TMEM51: variants seen among roughly 807,000 people sequenced by gnomAD.
The protein encoded by TMEM51 is chromosome 1 open reading frame 72.
In TMEM51, 8 loss-of-function variants were observed where a neutral mutation model predicts 13.6. That is an observed-to-expected ratio of 0.59 (90% CI 0.35 to 1.07). The LOEUF is 1.07. Among genes scored for constraint, TMEM51 ranks in the 50% least tolerant of loss-of-function variants. The pLI, the probability that TMEM51 is intolerant of heterozygous loss-of-function variation, is 0.02. For missense variants in TMEM51, 279 were observed against 330.7 expected (o/e 0.84, Z 1.21); for synonymous variants, 147 against 144.4 (o/e 1.02, Z -0.13).
intron 2 of TMEM51, among the ~76,000 whole-genome samples, chr1:15,214,366 A>T (rs1644390480): frequency 1.3e-5 from 2 of 152,178 alleles, no homozygotes; most frequent in African/African-American, 2.4e-5. Flanking sequence ...GAGCCAGGCT[A>T]AGGCCACCAT....
At chr1:15,205,142 G>A (rs1644226875) in intron 1 of TMEM51, among the ~76,000 whole-genome samples, 1 of 152,192 alleles carries the variant, frequency 6.6e-6, no homozygotes, top group Admixed American at 6.5e-5. Context: ...AAGACACTAT[G>A]TCAAGTGCCT....
chr1:15,154,108 G>A (rs1339078838), intron 1 of TMEM51, among the ~76,000 whole-genome samples, 154 bp downstream of exon 1: 2 of 152,040 alleles, frequency 1.3e-5, no homozygotes, highest in Non-Finnish European at 2.9e-5. Context: ...CCACCGGGAG[G>A]ACTCCGCACC....
At chr1:15,217,026 G>T (rs1436453081) in intron 3 of TMEM51, among the ~76,000 whole-genome samples, 1 of 152,174 alleles carries the variant, frequency 6.6e-6, no homozygotes, top group Admixed American at 6.5e-5. Context: ...TCTTTATAGT[G>T]GGAAGGGAAT....
intron 1 of TMEM51, among the ~76,000 whole-genome samples, chr1:15,171,908 A>G (rs955479776): frequency 3.9e-5 from 6 of 152,146 alleles, no homozygotes; most frequent in Admixed American, 2.0e-4. Flanking sequence ...GTCCATCCCA[A>G]CAACCCCTTG....
At chr1:15,167,517 C>T (rs1643066769) in intron 1 of TMEM51, among the ~76,000 whole-genome samples, 1 of 151,926 alleles carries the variant, frequency 6.6e-6, no homozygotes, top group Non-Finnish European at 1.5e-5. Context: ...GTTTTAGTAT[C>T]AACATATGAT....
intron 1 of TMEM51, among the ~76,000 whole-genome samples, chr1:15,159,243 T>TGA (rs1277533214): frequency 1.3e-5 from 2 of 152,198 alleles, no homozygotes; most frequent in Non-Finnish European, 2.9e-5. Flanking sequence ...TAGAAGAAAC[T>TGA]GAGGCCACAA....
chr1:15,215,742 T>C (rs1360893621), intron 3 of TMEM51, among the ~76,000 whole-genome samples: 1 of 152,170 alleles, frequency 6.6e-6, no homozygotes, highest in East Asian at 1.9e-4. Context: ...ATACTGTCTT[T>C]TGGGCCAGGT....
chr1:15,168,167 T>G (rs1382269683), intron 1 of TMEM51, among the ~76,000 whole-genome samples: 1 of 152,248 alleles, frequency 6.6e-6, no homozygotes, highest in Non-Finnish European at 1.5e-5. Flanking sequence ...AGGATCATTA[T>G]GAAATTGTTG....
At position 15,164,550 on chromosome 1, in the gene TMEM51, C is replaced by T. The variant is rs1573375934; in HGVS notation, c.-267+10596C>T. 6.7e-6 allele frequency: 3 copies of T among 447,606 alleles called. No individual in the cohort carries two copies. In the East Asian group the frequency reaches 2.1e-4, roughly 31 times the overall value. The allele number at this position is 447,606 out of a possible 1,614,324, so 27.7% of individuals were successfully genotyped here. A position where few individuals can be genotyped will look rare whatever the true frequency, so the allele number is the denominator to read the frequency against. ...TCTTATTGATGACATCAGCCTTGGT[C>T]ACTTGGTTAAGGTGGTGTCTGCCAC... is the stretch of plus-strand genomic sequence containing the variant. On this transcript the variant is annotated intron_variant, in intron 1 of 3. Transcript: ENST00000376008.
chr1:15,215,525 T>TA, intron 3 of TMEM51, 94 bp downstream of exon 3: 7 of 1,177,584 alleles, frequency 5.9e-6, no homozygotes, highest in Non-Finnish European at 8.1e-6. Context: ...GAAAAGACTG[T>TA]CATCTACAGG....
At chr1:15,156,348 T>A (rs1642592580) in intron 1 of TMEM51, among the ~76,000 whole-genome samples, 1 of 152,158 alleles carries the variant, frequency 6.6e-6, no homozygotes, top group Non-Finnish European at 1.5e-5. Flanking sequence ...CGTTCCTCCC[T>A]CCCTCTGCAG....
chr1:15,215,053 T>A lies in TMEM51; in HGVS notation c.-35T>A, dbSNP rs778628104. 1.9e-6 allele frequency: 3 copies of A among 1,566,424 alleles called. No individual in the cohort carries two copies. Among genetic ancestry groups the A allele is most frequent in the Non-Finnish European group, 2.6e-6 (3 of 1,154,368 alleles). On this transcript the variant is annotated 5_prime_UTR_variant, in exon 3 of 4. Coordinates refer to ENST00000376008, the MANE Select transcript of TMEM51 (RefSeq NM_001136218.2). ...GCTGCCTTGTATACATTTATTTTCT[T>A]TCTTGGAACTGGGCCTCGCCCTCCT...
chr1:15,218,775 C>T (rs1202088603), intron 3 of TMEM51, among the ~76,000 whole-genome samples: 4 of 152,308 alleles, frequency 2.6e-5, no homozygotes, highest in African/African-American at 9.6e-5. Flanking sequence ...CAGTTACCAT[C>T]CCTTTCCATG....
At chr1:15,180,242 T>C (rs908184277) in intron 1 of TMEM51, among the ~76,000 whole-genome samples, 9 of 152,218 alleles carry the variant, frequency 5.9e-5, no homozygotes, top group Non-Finnish European at 1.5e-5. Context: ...TTTTTAAGCA[T>C]AAACCTAATT....
chr1:15,198,562 T>G (rs954160072), intron 1 of TMEM51, among the ~76,000 whole-genome samples: 1 of 151,758 alleles, frequency 6.6e-6, no homozygotes, highest in African/African-American at 2.4e-5. Context: ...GGACTACAGG[T>G]GTCCGCCACC....
At chr1:15,170,109 A>G (rs1174130802) in intron 1 of TMEM51, among the ~76,000 whole-genome samples, 1 of 151,128 alleles carries the variant, frequency 6.6e-6, no homozygotes, top group Non-Finnish European at 1.5e-5. Context: ...AAATGTACTT[A>G]AAACAGTACA....
intron 1 of TMEM51, among the ~76,000 whole-genome samples, chr1:15,206,613 C>G (rs1644255714): frequency 7.1e-6 from 1 of 141,396 alleles, no homozygotes; most frequent in African/African-American, 2.5e-5. Flanking sequence ...TGGGGCAGAT[C>G]ATTCCTTGAA....
At chr1:15,197,502 C>G (rs1188362822) in intron 1 of TMEM51, among the ~76,000 whole-genome samples, 4 of 152,184 alleles carry the variant, frequency 2.6e-5, no homozygotes, top group Non-Finnish European at 4.4e-5. Context: ...GAGGCCTTCT[C>G]TGCATCTTTA....
chr1:15,174,778 T>A lies in TMEM51; in HGVS notation c.-267+20824T>A, dbSNP rs566382122. On this transcript the variant is annotated intron_variant, in intron 1 of 3. Coordinates refer to ENST00000376008, the MANE Select transcript of TMEM51 (RefSeq NM_001136218.2). ...GAGGGCTCTCTTCCTGGCTTGCAGA[T>A]GGCCGCCTACTCACTGTGCCCTCAC... Among the ~76,000 whole-genome samples, 9 of 152,314 alleles carry A rather than the reference T, an allele frequency of 5.9e-5. No individual in the cohort carries two copies. The South Asian group carries it at 1.9e-3, about 32-fold the overall frequency.
Sources: allele counts gnomAD v4.1 joint callset (sites outside exome capture counted in the v4.1 genomes callset), GRCh38; gene constraint gnomAD v4.1.1; transcripts MANE v1.5; gene names NCBI Gene and HGNC (gene_info 2026-07-23, HGNC 2026-07-21).